MZT2B: variants seen among roughly 807,000 people sequenced by gnomAD.
MZT2B encodes the protein mitotic-spindle organizing protein 2B.
Under a neutral mutation model 12.1 loss-of-function variants are expected in MZT2B, and 11 were observed. The ratio of observed to expected loss-of-function variants is 0.91; its 90% confidence interval spans 0.57 to 1.50. The LOEUF (loss-of-function observed/expected upper bound fraction) is 1.50, where lower values mean the gene tolerates loss of function less well. MZT2B is among the 40% of genes most tolerant of loss of function. The pLI is 0.00. For missense variants in MZT2B, 209 were observed against 227.7 expected, an observed-to-expected ratio of 0.92 and a Z score of 0.53; for synonymous variants, 85 against 109.5, an observed-to-expected ratio of 0.78 and a Z score of 1.40.
intron 2 of MZT2B, chr2:130,183,101 G>C (rs576446233): frequency 2.1e-6 from 1 of 485,278 alleles, no homozygotes; most frequent in South Asian, 2.5e-5. Flanking sequence ...TGGGCGCCCT[G>C]GCTCACGCCT....
At chr2:130,193,700 C>A, downstream of MZT2B, 1 of 1,512,640 alleles carries the variant, frequency 6.6e-7, no homozygotes, top group Non-Finnish European at 8.9e-7. Context: ...CAGGGATAGT[C>A]TCCCCAAAGG....
At chr2:130,198,463 G>C in the MZT2B span, 2 of 1,268,630 alleles carry the variant, frequency 1.6e-6, 1 homozygote, top group Admixed American at 4.9e-5. Flanking sequence ...GCGCCGCACA[G>C]GATTGGCCTG....
At chr2:130,181,749 G>A (rs1477685256), upstream of MZT2B, 1 of 1,548,344 alleles carries the variant, frequency 6.5e-7, no homozygotes, top group Non-Finnish European at 8.7e-7. Context: ...GGGAGGGAGT[G>A]GTCCTTAGCT....
chr2:130,201,426 C>T, the MZT2B span, among the ~76,000 whole-genome samples: 13 of 152,248 alleles, frequency 8.5e-5, no homozygotes, highest in East Asian at 5.8e-4. Flanking sequence ...TGTCCTCCCA[C>T]GGGGAGGTAG....
At chr2:130,194,537 C>A, downstream of MZT2B, 3 of 1,472,220 alleles carry the variant, frequency 2.0e-6, no homozygotes, top group Admixed American at 2.3e-5. Flanking sequence ...AAGCCAGGGC[C>A]GCTTCTCTTT....
At chr2:130,197,504 A>AAAAAAG in the MZT2B span, among the ~76,000 whole-genome samples, 1 of 110,008 alleles carries the variant, frequency 9.1e-6, no homozygotes, top group African/African-American at 4.3e-5. Flanking sequence ...AAAAAAAAAA[A>AAAAAAG]AAAAGAAAAG....
chr2:130,182,608 C>A lies in MZT2B; in HGVS notation c.171-19C>A, dbSNP rs1449120171. 3.2e-6 allele frequency: 5 copies of A among 1,551,202 alleles called. No individual in the cohort carries two copies. In the South Asian group the frequency reaches 4.8e-5, roughly 15 times the overall value. Reference sequence around the variant, plus strand: ...GCCGGGCGGAGAGGGCTCACCGGCCCCGCGTCTGTCCCCGCCAGGATCCTG... The same window carrying A: ...GCCGGGCGGAGAGGGCTCACCGGCCACGCGTCTGTCCCCGCCAGGATCCTG... On this transcript the variant is annotated intron_variant, in intron 1 of 2. Coordinates refer to ENST00000281871, the MANE Select transcript of MZT2B (RefSeq NM_025029.5).
intron 2 of MZT2B, chr2:130,184,612 G>A: frequency 1.0e-6 from 1 of 985,436 alleles, no homozygotes; most frequent in Non-Finnish European, 1.2e-6. Flanking sequence ...CCAGAGCTCG[G>A]ACCCAAGGGA....
chr2:130,197,504 A>AAG, the MZT2B span, among the ~76,000 whole-genome samples: 1 of 110,008 alleles, frequency 9.1e-6, no homozygotes, highest in African/African-American at 4.3e-5. Flanking sequence ...AAAAAAAAAA[A>AAG]AAAAGAAAAG....
chr2:130,190,099 G>A (rs557482779), intron 2 of MZT2B, among the ~76,000 whole-genome samples: 5 of 152,312 alleles, frequency 3.3e-5, no homozygotes, highest in Admixed American at 1.3e-4. Flanking sequence ...TGCTGCCGCC[G>A]CTGATGGCAC....
At chr2:130,204,287 T>C in the MZT2B span, 1 of 463,138 alleles carries the variant, frequency 2.2e-6, no homozygotes, top group Non-Finnish European at 4.0e-6. Context: ...ATGGCAGAGC[T>C]CTACTCCCAG....
chr2:130,200,181 G>A, the MZT2B span, among the ~76,000 whole-genome samples: 4 of 152,092 alleles, frequency 2.6e-5, no homozygotes, highest in Non-Finnish European at 4.4e-5. Flanking sequence ...CGCGAGGTCA[G>A]GAGATCGAGA....
downstream of MZT2B, chr2:130,191,929 A>G: frequency 1.4e-5 from 22 of 1,614,082 alleles, no homozygotes; most frequent in Non-Finnish European, 1.8e-5. Flanking sequence ...CGGGCCTCAG[A>G]GAACTCTCCC....
At chr2:130,190,751 T>G (rs562539230), downstream of MZT2B, 83 of 1,402,198 alleles carry the variant, frequency 5.9e-5, 1 homozygote, top group African/African-American at 6.6e-4. Flanking sequence ...GTTTTTTTTT[T>G]TTGTTTTTTT....
intron 2 of MZT2B, chr2:130,184,791 C>G (rs1689996035): frequency 1.0e-6 from 1 of 985,306 alleles, no homozygotes; most frequent in African/African-American, 1.7e-5. Context: ...GCTCTGGGAG[C>G]CAGGCCTAGC....
At chr2:130,181,814 A>C (rs1558772352), upstream of MZT2B, 11 of 1,545,262 alleles carry the variant, frequency 7.1e-6, no homozygotes, top group African/African-American at 1.4e-5. Flanking sequence ...TCTCCCCAGC[A>C]AGGAATCCGC....
At chr2:130,198,263 C>T in the MZT2B span, 10 of 1,295,034 alleles carry the variant, frequency 7.7e-6, 2 homozygotes, top group African/African-American at 4.7e-5. Context: ...CTGGCCTCCT[C>T]TCAGCGCCCA....
Position 130,190,584 on chromosome 2 carries a change from G to C in MZT2B, c.435G>C (p.Lys145Asn), listed in dbSNP as rs543965632. Residue 145 changes from lysine (K) to asparagine (N), a missense_variant, in exon 3 of 3, where the codon AAG becomes AAC. Physicochemically the swap from Lys to Asn is moderately conservative, Grantham distance 94. Coordinates refer to ENST00000281871, the MANE Select transcript of MZT2B (RefSeq NM_025029.5). ...AGCCCAGCGCTACCAGGCTGCCCAA[G>C]GGGGGCGGGCCTGGGAAGAGCCCTA... is the stretch of plus-strand genomic sequence containing the variant. The part of the protein sequence containing the change: ...PRQPSATRLP[K>N]GGGPGKSPTR... 1.1e-4 allele frequency: 171 copies of C among 1,613,222 alleles called. 1 individual carries two copies. In the South Asian group the frequency reaches 1.8e-3, roughly 17 times the overall value.
downstream of MZT2B, among the ~76,000 whole-genome samples, chr2:130,191,023 C>T (rs1354611478): frequency 6.6e-6 from 1 of 152,076 alleles, no homozygotes; most frequent in East Asian, 1.9e-4. Flanking sequence ...GATCTCGGCT[C>T]ACTACAAGCT....
Sources: gnomAD v4.1 joint callset for allele counts (sites outside exome capture counted in the v4.1 genomes callset) on GRCh38, gnomAD v4.1.1 for gene constraint, MANE v1.5 for transcripts, NCBI Gene and HGNC (gene_info 2026-07-23, HGNC 2026-07-21) for gene names.